Variants in KDM5A observed in about 807,000 individuals in gnomAD.
The protein encoded by KDM5A is lysine demethylase 5A, also known as lysine-specific demethylase 5A.
A neutral mutation model predicts 193.5 loss-of-function variants in KDM5A; 42 were observed. The observed-to-expected ratio is 0.22, with a 90% CI of 0.17 to 0.28. KDM5A has a LOEUF of 0.28. Ranked by LOEUF, KDM5A falls within the 10% of genes least tolerant of loss-of-function variation. The probability of loss-of-function intolerance (pLI) is 1.00; values close to 1 mark genes in which losing one functional copy is unlikely to be tolerated. For missense variants in KDM5A, 1,692 were observed against 2,055.1 expected (o/e 0.82, Z 3.42); for synonymous variants, 796 against 718.1 (o/e 1.11, Z -1.73).
chr12:316,212 C>G (rs1219138221), intron 19 of KDM5A, among the ~76,000 whole-genome samples: 1 of 152,166 alleles, frequency 6.6e-6, no homozygotes, highest in Non-Finnish European at 1.5e-5. Flanking sequence ...TTCCACCAAC[C>G]ACATAATCCT....
intron 27 of KDM5A, chr12:286,225 A>G (rs1407590106): frequency 4.0e-6 from 2 of 495,730 alleles, no homozygotes; most frequent in Non-Finnish European, 8.3e-6. Context: ...AAGTTAGCAA[A>G]TATCAGATGT....
rs774155747 is a variant in KDM5A at position 297,104 on chromosome 12, A to G, written c.4171T>C (p.Trp1391Arg). 3 of 1,614,098 alleles carry G rather than the reference A, an allele frequency of 1.9e-6. No individual in the cohort carries two copies. The highest frequency in any genetic ancestry group is 8.5e-7 in the Non-Finnish European group (1 of 1,179,990). The change falls in exon 25 of 28, where the codon TGG (tryptophan) becomes CGG (arginine). Residue 1391 changes from tryptophan (W) to arginine (R), a missense_variant. Physicochemically the swap from Trp to Arg is moderately radical, Grantham distance 101 (BLOSUM62 -3). Coordinates refer to ENST00000399788, the MANE Select transcript of KDM5A (RefSeq NM_001042603.3). The stretch of plus-strand genomic sequence containing the variant: ...TCTGCACAAAATGAAGGTGCTGTCC[A>G]CATGTGGGTCACCACCTCCTCGGAT... Reference protein sequence around the residue: ...IKSEEVVTHMWTAPSFCAEHA... With the variant: ...IKSEEVVTHMRTAPSFCAEHA...
chr12:287,087 T>G (rs1943228030), intron 27 of KDM5A, among the ~76,000 whole-genome samples: 1 of 152,128 alleles, frequency 6.6e-6, no homozygotes. Context: ...TGGAGGCACT[T>G]TCCAGTCATG....
At chr12:298,658 TCTC>T (rs1272929537) in intron 24 of KDM5A, among the ~76,000 whole-genome samples, 1 of 151,900 alleles carries the variant, frequency 6.6e-6, no homozygotes, top group Non-Finnish European at 1.5e-5. Context: ...GAGGATCAAA[TCTC>T]CTCGCCAGCA....
intron 14 of KDM5A, among the ~76,000 whole-genome samples, chr12:325,848 C>T (rs1040353436): frequency 5.9e-5 from 9 of 152,100 alleles, no homozygotes; most frequent in African/African-American, 1.4e-4. Context: ...ACCCTGTCTC[C>T]ACTAAAAACA....
chr12:311,403 G>T (rs1229101379), intron 20 of KDM5A, among the ~76,000 whole-genome samples: 1 of 152,004 alleles, frequency 6.6e-6, no homozygotes, highest in African/African-American at 2.4e-5. Flanking sequence ...CAGCACTTTG[G>T]GAGGCTGAGG....
intron 19 of KDM5A, among the ~76,000 whole-genome samples, chr12:314,616 C>T (rs1943628176): frequency 6.6e-6 from 1 of 152,156 alleles, no homozygotes; most frequent in Non-Finnish European, 1.5e-5. Flanking sequence ...ACCTAATTGA[C>T]TTGGCAGGGA....
chr12:389,236 A>C lies in KDM5A; in HGVS notation c.-145T>G. ...AACCGTTCAACACAGAAACCCCAGA[A>C]TCGCTTCCTCCTCCCGTTTGTTATT... On this transcript the variant is annotated 5_prime_UTR_variant, in exon 1 of 28. Transcript: ENST00000399788. The C allele has an allele frequency of 1.2e-6, 1 of 810,534 alleles. No individual in the cohort carries two copies. Among genetic ancestry groups the C allele is most frequent in the Non-Finnish European group, 2.1e-6 (1 of 469,406 alleles). 50.2% of individuals were successfully genotyped at this position (810,534 alleles called of 1,614,324 possible). A position where few individuals can be genotyped will look rare whatever the true frequency, so the allele number is the denominator to read the frequency against.
At chr12:301,935 G>T (rs981568004) in intron 24 of KDM5A, among the ~76,000 whole-genome samples, 4 of 152,044 alleles carry the variant, frequency 2.6e-5, no homozygotes, top group Non-Finnish European at 5.9e-5. Context: ...GCTACAAAAA[G>T]AATAAAATAC....
At chr12:339,437 CAG>C (rs1243594054) in intron 10 of KDM5A, among the ~76,000 whole-genome samples, 1 of 152,128 alleles carries the variant, frequency 6.6e-6, no homozygotes, top group African/African-American at 2.4e-5. Context: ...ATAACAAAAA[CAG>C]AGTCCTGAGT....
At chr12:358,765 A>G (rs1156698422) in intron 5 of KDM5A, among the ~76,000 whole-genome samples, 2 of 151,970 alleles carry the variant, frequency 1.3e-5, no homozygotes, top group Non-Finnish European at 2.9e-5. Flanking sequence ...CAAGGTCCGT[A>G]ATTCAAGACC....
chr12:309,589 G>A (rs555903063), intron 22 of KDM5A, among the ~76,000 whole-genome samples: 1 of 152,054 alleles, frequency 6.6e-6, no homozygotes, highest in Admixed American at 6.5e-5. Flanking sequence ...AAAGAACAGA[G>A]GTATGGAAAA....
At chr12:388,823 G>C (rs972309991) in intron 1 of KDM5A, 104 bp downstream of exon 1, 3 of 1,346,808 alleles carry the variant, frequency 2.2e-6, no homozygotes, top group African/African-American at 2.9e-5. Flanking sequence ...TCTCAAAAGA[G>C]AGTACATATG....
intron 6 of KDM5A, among the ~76,000 whole-genome samples, chr12:356,193 T>C (rs556651646): frequency 1.3e-5 from 2 of 152,320 alleles, no homozygotes; most frequent in Non-Finnish European, 2.9e-5. Context: ...GTGTGTCATA[T>C]ATTACACAGA....
chr12:333,856 TTATCACCACAA>T (rs1943893252), intron 11 of KDM5A, among the ~76,000 whole-genome samples: 1 of 152,180 alleles, frequency 6.6e-6, no homozygotes, highest in Non-Finnish European at 1.5e-5. Context: ...AGATACAAAC[TTATCACCACAA>T]TTAAAAAAGC....
At position 385,182 on chromosome 12, in the gene KDM5A, A is replaced by G. The variant is rs111795271; in HGVS notation, c.243+715T>C. Among the ~76,000 whole-genome samples the G allele has an allele frequency of 1.0e-3, 135 of 129,844 alleles. 1 individual carries two copies. Among genetic ancestry groups the G allele is most frequent in the African/African-American group, 3.0e-3 (101 of 33,972 alleles). 85.2% of individuals were successfully genotyped at this position (129,844 alleles called of 152,430 possible). On this transcript the variant is annotated intron_variant, in intron 2 of 27. Coordinates refer to ENST00000399788, the MANE Select transcript of KDM5A (RefSeq NM_001042603.3). ...TGGGTGACAGAGCAAGACTCTCTGG[A>G]AAAAAAAAAAAAAAAAAAGTATGTA...
At position 312,959 on chromosome 12, in the gene KDM5A, A is replaced by G. The variant is rs1474276044; in HGVS notation, c.3036+97T>C. 4 of 1,324,094 alleles carry G rather than the reference A, an allele frequency of 3.0e-6. No individual in the cohort carries two copies. In the South Asian group the frequency reaches 3.6e-5, roughly 12 times the overall value. The allele number at this position is 1,324,094 out of a possible 1,614,324, so 82.0% of individuals were successfully genotyped here. ...TCGATCTAAGTTAGGGATCGTTTGT[A>G]TTATGATTATTCTATTCTAAAGAAT... On this transcript the variant is annotated intron_variant, in intron 20 of 27. Transcript: ENST00000399788.
chr12:292,792 T>C lies in KDM5A; in HGVS notation c.4833A>G (p.Ala1611=), dbSNP rs944373081. 3 of 1,614,240 alleles carry C rather than the reference T, an allele frequency of 1.9e-6. No individual in the cohort carries two copies. Among genetic ancestry groups the C allele is most frequent in the Non-Finnish European group, 2.5e-6 (3 of 1,180,026 alleles). The change falls in exon 27 of 28, where the codon GCA becomes GCG. Residue 1611 remains alanine, a synonymous_variant. Coordinates refer to ENST00000399788, the MANE Select transcript of KDM5A (RefSeq NM_001042603.3). ...TGCAGGGCCTTTGGCAGTTCTGTGC[T>C]GCGCACACAGCATTCTCATCATCAG... ...EESDDENAVC[A]AQNCQRPCKD... is the part of the protein sequence containing the mutation.
At chr12:288,376 T>C (rs1290666586) in intron 27 of KDM5A, among the ~76,000 whole-genome samples, 1 of 152,194 alleles carries the variant, frequency 6.6e-6, no homozygotes, top group Non-Finnish European at 1.5e-5. Context: ...CTATGAACTG[T>C]TCAAATATTA....
Sources: allele counts gnomAD v4.1 joint callset (sites outside exome capture counted in the v4.1 genomes callset), GRCh38; gene constraint gnomAD v4.1.1; transcripts MANE v1.5; gene names NCBI Gene and HGNC (gene_info 2026-07-23, HGNC 2026-07-21).